ARHGEF6: variants seen among roughly 807,000 people sequenced by gnomAD.
The protein encoded by ARHGEF6 is Rac/Cdc42 guanine nucleotide exchange factor 6.
In ARHGEF6, 9 loss-of-function variants were observed where a neutral mutation model predicts 70.3. The ratio of observed to expected loss-of-function variants is 0.13; its 90% CI spans 0.08 to 0.22. The LOEUF (loss-of-function observed/expected upper bound fraction) is 0.22. Ranked by LOEUF, ARHGEF6 falls within the 10% of genes least tolerant of loss-of-function variation. ARHGEF6 has a pLI of 1.00. For missense variants in ARHGEF6, 470 were observed against 563.0 expected (o/e 0.83, Z 1.67); for synonymous variants, 201 against 207.8 (o/e 0.97, Z 0.28).
At chrX:136,742,900 G>A (rs374902899) in intron 5 of ARHGEF6, among the ~76,000 whole-genome samples, 32 of 111,398 alleles carry the variant, frequency 2.9e-4, no homozygotes, top group Non-Finnish European at 5.7e-4. Context: ...ACTTGAGCCC[G>A]GGAGGTCCAG....
chrX:136,769,670 G>A (rs1005132198), intron 2 of ARHGEF6, among the ~76,000 whole-genome samples: 10 of 111,373 alleles, frequency 9.0e-5, no homozygotes, highest in African/African-American at 2.6e-4. Context: ...TTGACTGATC[G>A]GAAGAATTGT....
chrX:136,708,625 C>T (rs777851133), intron 8 of ARHGEF6, 50 bp downstream of exon 8: 1 of 1,075,369 alleles, frequency 9.3e-7, no homozygotes, highest in Non-Finnish European at 1.3e-6. Context: ...GAAAACAAAA[C>T]ACAAACAGCA....
chrX:136,772,215 T>C (rs1008405486), intron 2 of ARHGEF6, among the ~76,000 whole-genome samples: 1 of 111,340 alleles, frequency 9.0e-6, no homozygotes, highest in East Asian at 2.8e-4. Context: ...ATAAAAACAA[T>C]TGAACTAATG....
chrX:136,750,993 T>TTG (rs2077144967), intron 2 of ARHGEF6, among the ~76,000 whole-genome samples: 1 of 109,713 alleles, frequency 9.1e-6, no homozygotes, highest in Admixed American at 9.8e-5. Flanking sequence ...GTTTGTTTGT[T>TTG]TTTGTTTTTG....
At chrX:136,674,491 T>G (rs2076257405) in intron 19 of ARHGEF6, among the ~76,000 whole-genome samples, 1 of 112,728 alleles carries the variant, frequency 8.9e-6, no homozygotes, top group Admixed American at 9.3e-5. Flanking sequence ...TGATCAACTT[T>G]ATACATTTTG....
chrX:136,730,955 T>G (rs2076929121), intron 6 of ARHGEF6, among the ~76,000 whole-genome samples: 1 of 111,365 alleles, frequency 9.0e-6, no homozygotes, highest in African/African-American at 3.3e-5. Context: ...ATGGTAATAT[T>G]TTCATCCACC....
chrX:136,679,869 A>G (rs148883189), intron 15 of ARHGEF6, among the ~76,000 whole-genome samples: 3,453 of 112,359 alleles, frequency 0.031, 158 homozygotes, highest in African/African-American at 0.1. Context: ...TTGACTCAAC[A>G]TTCCATGATC....
At chrX:136,761,850 A>G (rs781243571) in intron 2 of ARHGEF6, among the ~76,000 whole-genome samples, 2 of 112,207 alleles carry the variant, frequency 1.8e-5, no homozygotes, top group South Asian at 7.3e-4. Context: ...CTCAATTGCA[A>G]ATGTAACTAG....
rs373225685 is a variant in ARHGEF6 at position 136,669,502 on chromosome X, C to T, written c.2170G>A (p.Glu724Lys). The T allele has an allele frequency of 9.1e-6, 11 of 1,207,740 alleles. No individual in the cohort carries two copies. Among genetic ancestry groups the T allele is most frequent in the African/African-American group, 5.3e-5 (3 of 57,037 alleles). ...LVDTVYALKD[E>K]VRELKQENKR... Reference sequence around the variant, plus strand: ...ATTACCTGCTTCAGTTCTCTGACCTCGTCCTTCAAGGCGTAAACAGTATCA... The same window carrying T: ...ATTACCTGCTTCAGTTCTCTGACCTTGTCCTTCAAGGCGTAAACAGTATCA... Residue 724 changes from glutamate (E) to lysine (K), a missense_variant, in exon 21 of 22, where the codon GAG (glutamate) becomes AAG (lysine). Coordinates refer to ENST00000250617, the MANE Select transcript of ARHGEF6 (RefSeq NM_004840.3).
rs188053957 is a variant in ARHGEF6 at position 136,747,665 on chromosome X, C to A, written c.250-73G>T. 2.0e-4 allele frequency: 98 copies of A among 491,524 alleles called. No homozygotes were observed. The East Asian group carries it at 4.1e-3, about 20-fold the overall frequency. 40.5% of individuals were successfully genotyped at this position (491,524 alleles called of 1,213,427 possible). A position where few individuals can be genotyped will look rare whatever the true frequency, so the allele number is the denominator to read the frequency against. On this transcript the variant is annotated intron_variant, in intron 2 of 21. Transcript: ENST00000250617. ...TCAACAAACAAAACTATCAAAAGGCCACTTCCTCCAGCTCTCCGGAAAAAA... is the reference window on the plus strand; with the variant it reads ...TCAACAAACAAAACTATCAAAAGGCAACTTCCTCCAGCTCTCCGGAAAAAA...
chrX:136,676,652 T>G lies in ARHGEF6; in HGVS notation c.1917A>C (p.Pro639=). 1 of 1,208,257 alleles carries G rather than the reference T, an allele frequency of 8.3e-7. No homozygotes were observed. Among genetic ancestry groups the G allele is most frequent in the Non-Finnish European group, 1.1e-6 (1 of 892,124 alleles). ...FLHKRKTERK[P]SEEEYVIRKS... is the part of the protein sequence containing the mutation. ...TCCTAATCACATATTCCTCCTCCGA[T>G]GGTTTTCTCTCAGTCTTCCTTTTAT... The change falls in exon 18 of 22, where the codon CCA becomes CCC. Residue 639 remains proline, a synonymous_variant. Coordinates refer to ENST00000250617, the MANE Select transcript of ARHGEF6 (RefSeq NM_004840.3).
intron 2 of ARHGEF6, among the ~76,000 whole-genome samples, chrX:136,766,639 G>A (rs1420243755): frequency 8.9e-6 from 1 of 112,376 alleles, no homozygotes; most frequent in Non-Finnish European, 1.9e-5. Context: ...ATACCTGTTG[G>A]GTTCCTAAAT....
intron 4 of ARHGEF6, among the ~76,000 whole-genome samples, 189 bp from the exon 5 acceptor site, chrX:136,743,975 T>C (rs1405588744): frequency 1.8e-5 from 2 of 112,107 alleles, no homozygotes; most frequent in Non-Finnish European, 3.8e-5. Context: ...CAAAACAGTA[T>C]GTAAACTTTG....
Position 136,712,033 on chromosome X carries a change from A to T in ARHGEF6, c.827+1243T>A, listed in dbSNP as rs568935913. ...TTATAACTAAACAAGTATAATTTGG[A>T]AAAGGGGAGAATTTTTCTCACAATA... On this transcript the variant is annotated intron_variant, in intron 7 of 21. Coordinates refer to ENST00000250617, the MANE Select transcript of ARHGEF6 (RefSeq NM_004840.3). 3.7e-4 allele frequency among the ~76,000 whole-genome samples: 42 copies of T among 112,660 alleles called. No homozygotes were observed. In the South Asian group the frequency reaches 0.015, roughly 40 times the overall value.
At chrX:136,729,065 G>A (rs868331543) in intron 6 of ARHGEF6, among the ~76,000 whole-genome samples, 1 of 13,744 alleles carries the variant, frequency 7.3e-5, no homozygotes, top group East Asian at 3.0e-3. Context: ...CTCCCCCACC[G>A]CCCCCCACCC....
chrX:136,723,155 T>C (rs2076817137), intron 6 of ARHGEF6, among the ~76,000 whole-genome samples: 1 of 111,648 alleles, frequency 9.0e-6, no homozygotes, highest in Non-Finnish European at 1.9e-5. Context: ...GAATGGGAAA[T>C]GGGAAGTGAC....
At chrX:136,748,460 T>C (rs1023151792) in intron 2 of ARHGEF6, among the ~76,000 whole-genome samples, 1 of 112,648 alleles carries the variant, frequency 8.9e-6, no homozygotes, top group Non-Finnish European at 1.9e-5. Flanking sequence ...CTTTGAAATG[T>C]AGTCAGTGTG....
rs1253938695 is a variant in ARHGEF6, at chrX:136,727,383, TTCTTTCTTTCTTTC to T, written c.732+4705_732+4718del. 4.5e-3 allele frequency among the ~76,000 whole-genome samples: 302 copies of T among 67,364 alleles called. 4 individuals carry two copies. The highest frequency in any genetic ancestry group is 8.3e-3 in the Middle Eastern group (1 of 121). The allele number at this position is 67,364 out of a possible 115,157, so 58.5% of individuals were successfully genotyped here. On this transcript the variant is annotated intron_variant, in intron 6 of 21. Coordinates refer to ENST00000250617, the MANE Select transcript of ARHGEF6 (RefSeq NM_004840.3). ...TTTCTTTCTTTCTTTCTTTCTTTCTTTCTTTCTTTCTTTCTCTCTCTCTCTCTCTCTTTCTTTCT... is the reference window on the plus strand; with the variant it reads ...TTTCTTTCTTTCTTTCTTTCTTTCTTTCTCTCTCTCTCTCTCTTTCTTTCT...
At chrX:136,778,232 A>G (rs956012652) in intron 2 of ARHGEF6, among the ~76,000 whole-genome samples, 1 of 112,008 alleles carries the variant, frequency 8.9e-6, no homozygotes, top group Non-Finnish European at 1.9e-5. Flanking sequence ...GCCTAGAGTC[A>G]TAGTTAAGTA....
Sources: gnomAD v4.1 joint callset for allele counts (sites outside exome capture counted in the v4.1 genomes callset) on GRCh38, gnomAD v4.1.1 for gene constraint, MANE v1.5 for transcripts, NCBI Gene and HGNC (gene_info 2026-07-23, HGNC 2026-07-21) for gene names.